The following HLCS variants were observed in gnomAD, a reference collection of about 807,000 sequenced individuals.
The protein encoded by HLCS is biotin--protein ligase.
HLCS carries 53 observed loss-of-function variants against 75.0 expected under a neutral mutation model. The ratio of observed to expected loss-of-function variants is 0.71; its 90% CI spans 0.57 to 0.89. HLCS has a LOEUF of 0.89. Among genes scored for constraint, HLCS ranks in the 40% least tolerant of loss-of-function variants. The probability of loss-of-function intolerance (pLI) is 0.00; values close to 1 mark genes in which losing one functional copy is unlikely to be tolerated. For missense variants in HLCS, 966 were observed against 1,074.0 expected (o/e 0.90, Z 1.41); for synonymous variants, 431 against 428.6 (o/e 1.01, Z -0.07).
chr21:36,809,857 G>T (rs552954139), intron 6 of HLCS, among the ~76,000 whole-genome samples: 1 of 152,278 alleles, frequency 6.6e-6, no homozygotes, highest in East Asian at 1.9e-4. Context: ...TCCCACCTGA[G>T]CCTCCCCAGT....
At chr21:36,955,470 T>C (rs1287186104) in intron 2 of HLCS, among the ~76,000 whole-genome samples, 1 of 152,030 alleles carries the variant, frequency 6.6e-6, no homozygotes, top group South Asian at 2.1e-4. Context: ...AATAAAATTT[T>C]AAAAACAAAA....
Position 36,966,589 on chromosome 21 carries a change from C to G in HLCS, c.50G>C (p.Arg17Pro). 3 of 994,456 alleles carry G rather than the reference C, an allele frequency of 3.0e-6. No individual in the cohort carries two copies. Among genetic ancestry groups the G allele is most frequent in the Non-Finnish European group, 3.6e-6 (3 of 837,780 alleles). The allele number at this position is 994,456 out of a possible 1,614,324, so 61.6% of individuals were successfully genotyped here. ...CGTGGCGCGCACGAGCTCAGCCGGCCGGCGACCCCAGCGCGCCCACAGGTA... is the reference window on the plus strand; with the variant it reads ...CGTGGCGCGCACGAGCTCAGCCGGCGGGCGACCCCAGCGCGCCCACAGGTA... ...YLYLWARWGR[R>P]PAELVRATVR... Residue 17 changes from arginine to proline, a missense_variant, in exon 1 of 11, where the codon CGG (arginine) becomes CCG (proline). Transcript: ENST00000674895.
At chr21:36,798,767 T>C (rs985672362) in intron 6 of HLCS, among the ~76,000 whole-genome samples, 3 of 152,262 alleles carry the variant, frequency 2.0e-5, no homozygotes, top group African/African-American at 7.2e-5. Flanking sequence ...AGTGTTAATT[T>C]GCATTTCTCT....
intron 1 of HLCS, among the ~76,000 whole-genome samples, chr21:36,984,430 G>C (rs994273345): frequency 3.9e-5 from 6 of 152,124 alleles, no homozygotes; most frequent in African/African-American, 1.4e-4. Flanking sequence ...CACAACAGTC[G>C]ATCTGATCAC....
At chr21:36,819,852 A>T (rs185535194) in intron 6 of HLCS, among the ~76,000 whole-genome samples, 34 of 152,356 alleles carry the variant, frequency 2.2e-4, no homozygotes, top group African/African-American at 7.7e-4. Context: ...TAAAAGAAAG[A>T]AAAATAACTA....
intron 6 of HLCS, among the ~76,000 whole-genome samples, chr21:36,783,706 G>A (rs540052825): frequency 8.5e-5 from 13 of 152,234 alleles, no homozygotes; most frequent in Admixed American, 4.6e-4. Context: ...GGCTTCATTC[G>A]CGATCACCAG....
In HLCS at chr21:36,938,841, T is replaced by G. The variant is rs749469488; in HGVS notation, c.484A>C (p.Lys162Gln). ...TTCTAAAGTTACTTACACACAATCT[T>G]TTGGGGTACCAGTCCATTATCCATG... The part of the protein sequence containing the change: ...LHMDNGLVPQ[K>Q]IVSVHLQDST... Residue 162 changes from lysine (K) to glutamine (Q), a missense_variant, in exon 3 of 11, where the codon AAG becomes CAG. By Grantham distance (53) the Lys-to-Gln change is moderately conservative. Transcript: ENST00000674895. 6.2e-7 allele frequency: 1 copy of G among 1,614,136 alleles called. No individual in the cohort carries two copies. The highest frequency in any genetic ancestry group is 1.1e-5 in the South Asian group (1 of 91,086).
At chr21:36,818,181 G>C (rs748294935) in intron 6 of HLCS, among the ~76,000 whole-genome samples, 1 of 152,210 alleles carries the variant, frequency 6.6e-6, no homozygotes, top group Non-Finnish European at 1.5e-5. Flanking sequence ...AAGTCGGTGA[G>C]GGGGGCGGCC....
At chr21:36,937,664 T>C (rs552197351) in intron 3 of HLCS, among the ~76,000 whole-genome samples, 1 of 152,340 alleles carries the variant, frequency 6.6e-6, no homozygotes, top group African/African-American at 2.4e-5. Flanking sequence ...TACGGAATGG[T>C]GAAGAAAGTG....
At chr21:36,952,454 ATCC>A (rs2067711127) in intron 2 of HLCS, among the ~76,000 whole-genome samples, 2 of 152,178 alleles carry the variant, frequency 1.3e-5, no homozygotes, top group African/African-American at 2.4e-5. Flanking sequence ...GACTGTGGCA[ATCC>A]TCCTTGTTGG....
chr21:36,830,025 A>C (rs2062145545), intron 6 of HLCS, among the ~76,000 whole-genome samples: 2 of 152,210 alleles, frequency 1.3e-5, no homozygotes, highest in Non-Finnish European at 2.9e-5. Context: ...AGAGGCGATT[A>C]AGTTAACATG....
intron 5 of HLCS, among the ~76,000 whole-genome samples, chr21:36,900,559 G>A (rs2065196120): frequency 6.6e-6 from 1 of 152,172 alleles, no homozygotes; most frequent in Admixed American, 6.5e-5. Flanking sequence ...GGGAGCCCCA[G>A]AAGGTTCTGG....
chr21:36,865,606 G>A (rs991247027), intron 6 of HLCS, among the ~76,000 whole-genome samples: 5 of 152,060 alleles, frequency 3.3e-5, no homozygotes, highest in Non-Finnish European at 5.9e-5. Flanking sequence ...TCTTTGTACC[G>A]TTTTGTTATT....
chr21:36,970,948 T>G (rs1374568704), upstream of HLCS, among the ~76,000 whole-genome samples: 1 of 149,636 alleles, frequency 6.7e-6, no homozygotes, highest in East Asian at 2.0e-4. Context: ...GAGCCAAGAT[T>G]GCGCCACTGC....
At chr21:36,759,551 C>A (rs1053564566) in intron 9 of HLCS, among the ~76,000 whole-genome samples, 176 bp downstream of exon 9, 1 of 152,164 alleles carries the variant, frequency 6.6e-6, no homozygotes, top group African/African-American at 2.4e-5. Flanking sequence ...AAATGCTAAA[C>A]CCTGTGAAGT....
chr21:36,809,570 T>G (rs898800406), intron 6 of HLCS, among the ~76,000 whole-genome samples: 7 of 152,150 alleles, frequency 4.6e-5, no homozygotes, highest in African/African-American at 1.7e-4. Flanking sequence ...ATTTTCCCCC[T>G]CTCTGCCTTC....
chr21:36,989,793 C>CGGCCAGGGGCCCGTGGGAGGG (rs1569279638), intron 1 of HLCS, among the ~76,000 whole-genome samples: 2 of 152,166 alleles, frequency 1.3e-5, no homozygotes, highest in Non-Finnish European at 2.9e-5. Context: ...GCGGGGCACG[C>CGGCCAGGGGCCCGTGGGAGGG]GGCCAGGGGC....
intron 6 of HLCS, among the ~76,000 whole-genome samples, chr21:36,836,641 T>C (rs1304155962): frequency 6.6e-6 from 1 of 151,388 alleles, no homozygotes; most frequent in Non-Finnish European, 1.5e-5. Flanking sequence ...ATCCAGAATC[T>C]ACAATGAACT....
At chr21:36,926,281 C>T (rs995184218) in intron 5 of HLCS, among the ~76,000 whole-genome samples, 13 of 152,224 alleles carry the variant, frequency 8.5e-5, no homozygotes, top group South Asian at 4.1e-4. Context: ...AGCTTCAGCT[C>T]GGAGGCCCCC....
Sources: gnomAD v4.1 joint callset for allele counts (sites outside exome capture counted in the v4.1 genomes callset) on GRCh38, gnomAD v4.1.1 for gene constraint, MANE v1.5 for transcripts, NCBI Gene and HGNC (gene_info 2026-07-23, HGNC 2026-07-21) for gene names.